NCALD: variants seen among roughly 807,000 people sequenced by gnomAD.
NCALD encodes the protein neurocalcin-delta.
A neutral mutation model predicts 18.6 loss-of-function variants in NCALD; 10 were observed. The observed-to-expected ratio is 0.54, with a 90% CI of 0.33 to 0.91. NCALD has a LOEUF of 0.91. Among genes scored for constraint, NCALD ranks in the 40% least tolerant of loss-of-function variants. The probability of loss-of-function intolerance (pLI) is 0.03; values close to 1 mark genes in which losing one functional copy is unlikely to be tolerated. For synonymous variants in NCALD, 88 were observed against 87.4 expected, an observed-to-expected ratio of 1.01 and a Z score of -0.04; for missense variants, 184 against 247.6, an observed-to-expected ratio of 0.74 and a Z score of 1.72.
Position 101,719,286 on chromosome 8 carries a change from T to C in NCALD, c.344A>G (p.Tyr115Cys). 10 of 1,614,180 alleles carry C rather than the reference T, an allele frequency of 6.2e-6. No individual in the cohort carries two copies. Among genetic ancestry groups the C allele is most frequent in the Non-Finnish European group, 8.5e-6 (10 of 1,180,028 alleles). ...FSMYDLDGNG[Y>C]ISKAEMLEIV... Reference sequence around the variant, plus strand: ...CTCTAGCATCTCTGCCTTGCTGATATAGCCATTTCCGTCCAGGTCGTACAT... The same window carrying C: ...CTCTAGCATCTCTGCCTTGCTGATACAGCCATTTCCGTCCAGGTCGTACAT... Residue 115 changes from tyrosine to cysteine, a missense_variant, in exon 2 of 4, where the codon TAT becomes TGT. Transcript: ENST00000220931.
At chr8:102,002,753 T>G (rs1452821541) in intron 2 of NCALD, among the ~76,000 whole-genome samples, 1 of 152,096 alleles carries the variant, frequency 6.6e-6, no homozygotes, top group Non-Finnish European at 1.5e-5. Context: ...ACATGGAAAC[T>G]GAACAACCTG....
intron 3 of NCALD, among the ~76,000 whole-genome samples, chr8:101,902,952 CCTTT>C (rs943729932): frequency 6.6e-6 from 1 of 152,144 alleles, no homozygotes; most frequent in African/African-American, 2.4e-5. Context: ...GGAATAGAGA[CCTTT>C]CTTTCTTCTC....
In NCALD at chr8:101,779,592, G is replaced by C. The variant is rs190585624; in HGVS notation, c.-20+11270C>G. On this transcript the variant is annotated intron_variant, in intron 1 of 3. Transcript: ENST00000220931. The stretch of plus-strand genomic sequence containing the variant: ...AAGTTAAGCCTCTCTGGTCAAAGGG[G>C]AAGGTCACTAGATGCAGTGGTTTAC... 2.5e-3 allele frequency among the ~76,000 whole-genome samples: 388 copies of C among 152,300 alleles called. 4 individuals carry two copies. The highest frequency in any genetic ancestry group is 8.8e-3 in the African/African-American group (365 of 41,574).
At chr8:101,759,348 CTG>C (rs1811019057) in intron 1 of NCALD, among the ~76,000 whole-genome samples, 1 of 151,392 alleles carries the variant, frequency 6.6e-6, no homozygotes. Flanking sequence ...GACAAAGAAA[CTG>C]AGAGAGGGAG....
intron 1 of NCALD, among the ~76,000 whole-genome samples, chr8:101,758,537 T>A (rs1435647937): frequency 6.6e-6 from 1 of 152,222 alleles, no homozygotes; most frequent in African/African-American, 2.4e-5. Context: ...AATCTGTTCC[T>A]CCCATGAATT....
intron 4 of NCALD, among the ~76,000 whole-genome samples, chr8:101,822,990 T>A (rs1158687107): frequency 2.0e-5 from 3 of 152,144 alleles, no homozygotes; most frequent in Non-Finnish European, 4.4e-5. Flanking sequence ...GAATGAGAAA[T>A]CCCTTTCTGA....
chr8:101,739,900 C>T (rs933914780), intron 1 of NCALD, among the ~76,000 whole-genome samples: 1 of 152,106 alleles, frequency 6.6e-6, no homozygotes, highest in African/African-American at 2.4e-5. Context: ...CTATCCTATT[C>T]GTTCTGTCTC....
intron 4 of NCALD, among the ~76,000 whole-genome samples, chr8:101,847,690 A>G (rs937151435): frequency 1.3e-5 from 2 of 152,188 alleles, no homozygotes. Flanking sequence ...TATGTTTCCT[A>G]CCCTCAAAGA....
intron 1 of NCALD, among the ~76,000 whole-genome samples, chr8:102,055,013 G>A (rs983034576): frequency 6.6e-6 from 1 of 152,036 alleles, no homozygotes; most frequent in Non-Finnish European, 1.5e-5. Flanking sequence ...CTGCTGGTGT[G>A]AGTAGAGATG....
At chr8:101,892,968 A>C (rs1012119088) in intron 3 of NCALD, among the ~76,000 whole-genome samples, 8 of 149,338 alleles carry the variant, frequency 5.4e-5, no homozygotes, top group African/African-American at 1.5e-4. Flanking sequence ...AACTTCCCCA[A>C]TCTAGCAAGG....
intron 1 of NCALD, among the ~76,000 whole-genome samples, chr8:102,090,239 A>G (rs1824880903): frequency 6.6e-6 from 1 of 152,240 alleles, no homozygotes. Flanking sequence ...GTATGTTATC[A>G]AAGTTATAAT....
intron 2 of NCALD, among the ~76,000 whole-genome samples, chr8:101,967,152 T>C (rs1820062021): frequency 6.6e-6 from 1 of 152,194 alleles, no homozygotes; most frequent in African/African-American, 2.4e-5. Flanking sequence ...ATTTTTTACC[T>C]ATCTGTTGGT....
At chr8:102,113,125 GA>G (rs1407679646) in intron 1 of NCALD, among the ~76,000 whole-genome samples, 1 of 152,164 alleles carries the variant, frequency 6.6e-6, no homozygotes, top group Non-Finnish European at 1.5e-5. Context: ...GAGAGAAAAG[GA>G]AAGGTATAGA....
At chr8:101,834,428 G>A (rs1372729025) in intron 4 of NCALD, among the ~76,000 whole-genome samples, 2 of 152,232 alleles carry the variant, frequency 1.3e-5, no homozygotes, top group Admixed American at 6.5e-5. Flanking sequence ...TTCACTCCGT[G>A]CCCCTGCCAG....
At chr8:101,737,790 T>C (rs148281505) in intron 1 of NCALD, among the ~76,000 whole-genome samples, 203 of 152,314 alleles carry the variant, frequency 1.3e-3, no homozygotes, top group African/African-American at 4.5e-3. Context: ...GGAGTTTTGC[T>C]GTGCTTCCCT....
At chr8:101,956,744 C>G (rs746708154) in intron 2 of NCALD, among the ~76,000 whole-genome samples, 9 of 152,074 alleles carry the variant, frequency 5.9e-5, no homozygotes, top group Non-Finnish European at 1.0e-4. Flanking sequence ...TACATAACCT[C>G]ACAAAACTGA....
intron 2 of NCALD, among the ~76,000 whole-genome samples, chr8:102,010,046 A>G (rs551128683): frequency 6.6e-6 from 1 of 152,364 alleles, no homozygotes; most frequent in South Asian, 2.1e-4. Context: ...TGGAGTCCTG[A>G]TAAGATAAGT....
chr8:101,996,726 A>ACCATGGCAACTAACGGTCCT (rs1304813084), intron 2 of NCALD, among the ~76,000 whole-genome samples: 2 of 152,244 alleles, frequency 1.3e-5, no homozygotes, highest in Non-Finnish European at 2.9e-5. Flanking sequence ...AGAAGAGACA[A>ACCATGGCAACTAACGGTCCT]CCATGGCAAC....
At chr8:101,712,150 A>G (rs1377762733) in intron 2 of NCALD, among the ~76,000 whole-genome samples, 1 of 152,220 alleles carries the variant, frequency 6.6e-6, no homozygotes, top group East Asian at 1.9e-4. Flanking sequence ...AGAATTTCAT[A>G]TCCAGCCAAA....
Sources: gnomAD v4.1 joint callset for allele counts (sites outside exome capture counted in the v4.1 genomes callset) on GRCh38, gnomAD v4.1.1 for gene constraint, MANE v1.5 for transcripts, NCBI Gene and HGNC (gene_info 2026-07-23, HGNC 2026-07-21) for gene names.